BUB1B: variants seen among roughly 807,000 people sequenced by gnomAD.
BUB1B encodes BUB1 mitotic checkpoint serine/threonine kinase B.
BUB1B carries 86 observed loss-of-function variants against 137.7 expected under a neutral mutation model. The ratio of observed to expected loss-of-function variants is 0.62; its 90% CI spans 0.52 to 0.75. The LOEUF is 0.75. Ranked by LOEUF, BUB1B falls within the 30% of genes least tolerant of loss-of-function variation. BUB1B has a pLI of 0.00. For synonymous variants in BUB1B, 420 were observed against 417.9 expected, an observed-to-expected ratio of 1.00 and a Z score of -0.06; for missense variants, 1,130 against 1,236.9, an observed-to-expected ratio of 0.91 and a Z score of 1.30.
chr15:40,205,715 A>G (rs1224506937), intron 14 of BUB1B, among the ~76,000 whole-genome samples: 3 of 152,246 alleles, frequency 2.0e-5, no homozygotes, highest in South Asian at 2.1e-4. Flanking sequence ...ACAGAGTATC[A>G]TGAATGCTAC....
chr15:40,168,125 T>TAG (rs2037122706), intron 2 of BUB1B, among the ~76,000 whole-genome samples: 1 of 151,014 alleles, frequency 6.6e-6, no homozygotes, highest in Non-Finnish European at 1.5e-5. Flanking sequence ...CCCAGCACTT[T>TAG]AGGAGGCCGA....
intron 2 of BUB1B, among the ~76,000 whole-genome samples, chr15:40,168,122 CT>C (rs936018129): frequency 2.0e-5 from 3 of 150,176 alleles, no homozygotes; most frequent in African/African-American, 7.3e-5. Flanking sequence ...AATCCCAGCA[CT>C]TTAGGAGGCC....
chr15:40,200,155 G>T, intron 10 of BUB1B, 89 bp from the exon 11 acceptor site: 2 of 883,156 alleles, frequency 2.3e-6, no homozygotes, highest in South Asian at 2.8e-5. Flanking sequence ...GATGTCTAGG[G>T]AAAGAGTACA....
Position 40,221,049 on chromosome 15 carries a change from T to C in BUB1B, c.*290T>C, listed in dbSNP as rs1165912405. On this transcript the variant is annotated 3_prime_UTR_variant, in exon 23 of 23. Transcript: ENST00000287598. The stretch of plus-strand genomic sequence containing the variant: ...TTGTCTCTACTTTTCCCTGTACTTT[T>C]CCCATTTGTAATTTGTAAAATGTTC... The C allele has an allele frequency of 4.6e-6, 2 of 433,806 alleles. No individual in the cohort carries two copies. Among genetic ancestry groups the C allele is most frequent in the Admixed American group, 4.0e-5 (1 of 25,204 alleles). The allele number at this position is 433,806 out of a possible 1,614,324, so 26.9% of individuals were successfully genotyped here. A position where few individuals can be genotyped will look rare whatever the true frequency, so the allele number is the denominator to read the frequency against.
At chr15:40,195,581 G>C (rs922733017) in intron 8 of BUB1B, among the ~76,000 whole-genome samples, 1 of 152,112 alleles carries the variant, frequency 6.6e-6, no homozygotes, top group Non-Finnish European at 1.5e-5. Flanking sequence ...GTGGTTGTAC[G>C]AGTTTACATT....
At chr15:40,198,241 T>G (rs2037522026) in intron 9 of BUB1B, among the ~76,000 whole-genome samples, 1 of 149,254 alleles carries the variant, frequency 6.7e-6, no homozygotes, top group Non-Finnish European at 1.5e-5. Flanking sequence ...TCTATTGTGT[T>G]TTTTTTTTTT....
At chr15:40,199,072 G>T (rs1415125791) in intron 9 of BUB1B, among the ~76,000 whole-genome samples, 1 of 152,148 alleles carries the variant, frequency 6.6e-6, no homozygotes, top group Non-Finnish European at 1.5e-5. Flanking sequence ...GGGCCTTTGT[G>T]CCACCTAGTT....
chr15:40,186,191 G>A (rs987230099), intron 8 of BUB1B, among the ~76,000 whole-genome samples: 6 of 151,982 alleles, frequency 3.9e-5, no homozygotes, highest in Admixed American at 2.0e-4. Context: ...TTGTCTGATG[G>A]GATAATGGGG....
chr15:40,216,571 ATT>A (rs71426368), intron 20 of BUB1B, among the ~76,000 whole-genome samples: 1,187 of 82,972 alleles, frequency 0.014, 7 homozygotes, highest in African/African-American at 0.047. Context: ...ATATATATAT[ATT>A]TTTTTTTTTT....
chr15:40,189,199 G>A (rs906138062), intron 8 of BUB1B, among the ~76,000 whole-genome samples: 7 of 151,130 alleles, frequency 4.6e-5, no homozygotes, highest in African/African-American at 1.5e-4. Flanking sequence ...TTGCTCTGTC[G>A]CCCAGGCTGG....
intron 8 of BUB1B, among the ~76,000 whole-genome samples, chr15:40,187,430 AT>A (rs1306679295): frequency 6.6e-6 from 1 of 151,206 alleles, no homozygotes; most frequent in Non-Finnish European, 1.5e-5. Flanking sequence ...CCGGTCAACA[AT>A]TTTTTTTTAA....
At chr15:40,186,430 CT>C (rs769074759) in intron 8 of BUB1B, among the ~76,000 whole-genome samples, 35 of 67,360 alleles carry the variant, frequency 5.2e-4, no homozygotes, top group East Asian at 3.6e-3. Flanking sequence ...TTGCCTAGTT[CT>C]TTTTTTTTTT....
At chr15:40,210,282 T>C in intron 18 of BUB1B, 72 bp downstream of exon 18, 12 of 1,119,554 alleles carry the variant, frequency 1.1e-5, no homozygotes, top group Non-Finnish European at 1.6e-5. Context: ...GTCCTCATGT[T>C]ACCATCAAAT....
At chr15:40,172,065 ATAAAG>A (rs1302233775) in intron 4 of BUB1B, among the ~76,000 whole-genome samples, 2 of 151,978 alleles carry the variant, frequency 1.3e-5, no homozygotes, top group East Asian at 3.8e-4. Context: ...TCTTAATAAA[ATAAAG>A]TAAGAAATAA....
intron 8 of BUB1B, among the ~76,000 whole-genome samples, chr15:40,194,227 A>G (rs1000951895): frequency 9.2e-5 from 14 of 151,942 alleles, no homozygotes; most frequent in African/African-American, 3.4e-4. Flanking sequence ...CTGATCTTGT[A>G]TTCTTTGACT....
chr15:40,217,319 C>A, intron 20 of BUB1B, 177 bp from the exon 21 acceptor site: 1 of 650,656 alleles, frequency 1.5e-6, no homozygotes. Context: ...ATTCCTTCCG[C>A]ATTGGGTGGA....
At chr15:40,194,421 G>A (rs1315199140) in intron 8 of BUB1B, among the ~76,000 whole-genome samples, 2 of 152,128 alleles carry the variant, frequency 1.3e-5, no homozygotes, top group South Asian at 2.1e-4. Context: ...CTGATCTTAG[G>A]GGGAAAGCAT....
Position 40,208,786 on chromosome 15 carries a change from C to A in BUB1B, c.2143+16C>A, listed in dbSNP as rs768994715. The A allele has an allele frequency of 1.4e-5, 22 of 1,595,746 alleles. No individual in the cohort carries two copies. The highest frequency in any genetic ancestry group is 1.9e-5 in the Non-Finnish European group (22 of 1,164,200). On this transcript the variant is annotated intron_variant, in intron 16 of 22. Coordinates refer to ENST00000287598, the MANE Select transcript of BUB1B (RefSeq NM_001211.6). The stretch of plus-strand genomic sequence containing the variant: ...GAGACTTCAGGTAGGATATACATAC[C>A]ACTATATCCATGCCTAGTGAACACT...
intron 7 of BUB1B, 49 bp downstream of exon 7, chr15:40,185,428 A>G (rs1296940315): frequency 6.9e-6 from 11 of 1,601,422 alleles, no homozygotes; most frequent in African/African-American, 5.4e-5. Context: ...AAGACTTCAC[A>G]TTTAGGGTAG....
Sources: gnomAD v4.1 joint callset for allele counts (sites outside exome capture counted in the v4.1 genomes callset) on GRCh38, gnomAD v4.1.1 for gene constraint, MANE v1.5 for transcripts, NCBI Gene and HGNC (gene_info 2026-07-23, HGNC 2026-07-21) for gene names.